The following CHD8 variants were observed in gnomAD, a reference collection of about 807,000 sequenced individuals.
CHD8 encodes ATP-dependent chromatin remodeler CHD8.
CHD8 carries 31 observed loss-of-function variants against 279.2 expected under a neutral mutation model. That is an observed-to-expected ratio of 0.11 (90% CI 0.08 to 0.15). The LOEUF is 0.15. Ranked by LOEUF, CHD8 falls within the 10% of genes least tolerant of loss-of-function variation. The pLI, the probability that CHD8 is intolerant of heterozygous loss-of-function variation, is 1.00. For synonymous variants in CHD8, 1,081 were observed against 1,139.6 expected, an observed-to-expected ratio of 0.95 and a Z score of 1.04; for missense variants, 2,146 against 3,230.5, an observed-to-expected ratio of 0.66 and a Z score of 8.14.
At chr14:21,421,730 C>A (rs1246740088) in intron 5 of CHD8, among the ~76,000 whole-genome samples, 1 of 152,268 alleles carries the variant, frequency 6.6e-6, no homozygotes, top group South Asian at 2.1e-4. Context: ...CATCCCCCCA[C>A]CAAATCCATA....
chr14:21,393,324 T>G lies in CHD8; in HGVS notation c.6320-70A>C. 7.0e-6 allele frequency: 11 copies of G among 1,582,614 alleles called. No homozygotes were observed. In the South Asian group the frequency reaches 1.3e-4, roughly 18 times the overall value. ...AATGTCATATGGTAATGGTATTATA[T>G]GGGCTTTGAATAAAGGCCCAAAGAA... On this transcript the variant is annotated intron_variant, in intron 32 of 37. Coordinates refer to ENST00000646647, the MANE Select transcript of CHD8 (RefSeq NM_001170629.2).
chr14:21,402,223 A>T lies in CHD8; in HGVS notation c.3883-87T>A. On this transcript the variant is annotated intron_variant, in intron 19 of 37. Transcript: ENST00000646647. This position sits in a 1 kb window ranked among gnomAD's most constrained non-coding sequence, Gnocchi z 4.5. ...ATATTTTAGCTATTATATTTTAAGA[A>T]ATAATAATTGAGAATCCAAACAAGG... The T allele has an allele frequency of 6.8e-7, 1 of 1,473,764 alleles. No homozygotes were observed. The highest frequency in any genetic ancestry group is 9.3e-7 in the Non-Finnish European group (1 of 1,076,488). The allele number at this position is 1,473,764 out of a possible 1,614,324, so 91.3% of individuals were successfully genotyped here.
In CHD8 at chr14:21,409,758, T is replaced by C. The variant is rs1221338397; in HGVS notation, c.2364+93A>G. On this transcript the variant is annotated intron_variant, in intron 11 of 37. Transcript: ENST00000646647. ...GATTTTTATATGTTTGAAATTTCCA[T>C]AATAAAAAGCTAAAACAACAAAAAA... 4 of 1,206,258 alleles carry C rather than the reference T, an allele frequency of 3.3e-6. No homozygotes were observed. In the African/African-American group the frequency reaches 6.1e-5, roughly 18 times the overall value. 74.7% of individuals were successfully genotyped at this position (1,206,258 alleles called of 1,614,324 possible).
At chr14:21,429,724 C>A (rs998070067) in intron 2 of CHD8, 1 of 331,658 alleles carries the variant, frequency 3.0e-6, no homozygotes, top group Non-Finnish European at 6.0e-6. Context: ...CACACCACAG[C>A]CCAGAACTCC....
At chr14:21,419,874 A>G (rs1888939857) in intron 5 of CHD8, 1 of 359,054 alleles carries the variant, frequency 2.8e-6, no homozygotes, top group Non-Finnish European at 5.7e-6. Context: ...TGAGCCCCCA[A>G]AAGAAGCCAG....
Position 21,405,793 on chromosome 14 carries a change from G to A in CHD8, c.2979C>T (p.Phe993=). 6.2e-7 allele frequency: 1 copy of A among 1,613,860 alleles called. No homozygotes were observed. The highest frequency in any genetic ancestry group is 8.5e-7 in the Non-Finnish European group (1 of 1,179,798). Residue 993 remains phenylalanine (F), a synonymous_variant, in exon 15 of 38, where the codon TTC becomes TTT. Transcript: ENST00000646647. This position sits in a 1 kb window ranked among gnomAD's most constrained non-coding sequence, Gnocchi z 4.2. ...TVEELFSLLH[F]LEPSQFPSES... ...CTGAGGGAAATTGTGACGGTTCCAA[G>A]AAATGAAGCAAGCTAAACAGTTCTT...
Position 21,405,371 on chromosome 14 carries a change from T to C in CHD8, c.3145A>G (p.Ile1049Val). The stretch of plus-strand genomic sequence containing the variant: ...TGGATATTAGTCAGCTCTACTTCAA[T>C]AATTGTTTCCTGTTTGGGTGCCAAG... ...KNLAPKQETI[I>V]EVELTNIQKK... The change falls in exon 16 of 38, where the codon ATT (isoleucine) becomes GTT (valine). Residue 1049 changes from isoleucine (I) to valine (V), a missense_variant. Coordinates refer to ENST00000646647, the MANE Select transcript of CHD8 (RefSeq NM_001170629.2). This position sits in a 1 kb window ranked among gnomAD's most constrained non-coding sequence, Gnocchi z 4.2. 6.2e-7 allele frequency: 1 copy of C among 1,602,010 alleles called. No homozygotes were observed. Among genetic ancestry groups the C allele is most frequent in the Non-Finnish European group, 8.5e-7 (1 of 1,173,340 alleles).
intron 1 of CHD8, chr14:21,437,068 T>TGGGGGGGGGGGGGGGGGGGG: frequency 6.9e-6 from 1 of 145,822 alleles, no homozygotes; most frequent in South Asian, 5.0e-5. Flanking sequence ...ATGCGGGGGG[T>TGGGGGGGGGGGGGGGGGGGG]GGGGGGTGTG....
chr14:21,424,662 G>A (rs1889224481), intron 5 of CHD8, among the ~76,000 whole-genome samples: 2 of 151,970 alleles, frequency 1.3e-5, no homozygotes, highest in African/African-American at 4.8e-5. Context: ...TGGTAGAGAC[G>A]GGGTTTCACC....
intron 37 of CHD8, among the ~76,000 whole-genome samples, chr14:21,389,108 T>C (rs1222911501): frequency 1.3e-5 from 2 of 151,978 alleles, no homozygotes; most frequent in African/African-American, 4.8e-5. Flanking sequence ...GAGACCAGCC[T>C]GACCAACATG....
At chr14:21,394,880 C>G (rs1887708840) in intron 30 of CHD8, 32 bp downstream of exon 30, 1 of 1,603,750 alleles carries the variant, frequency 6.2e-7, no homozygotes, top group Non-Finnish European at 8.5e-7. Context: ...ACTGAAAACA[C>G]AGATCAGCAC....
intron 1 of CHD8, among the ~76,000 whole-genome samples, chr14:21,450,488 C>T (rs1272268373): frequency 6.6e-6 from 1 of 152,010 alleles, no homozygotes. Context: ...AAACCTTAAA[C>T]ATTTTACAAC....
chr14:21,449,277 T>G (rs1890202861), intron 1 of CHD8, among the ~76,000 whole-genome samples: 1 of 152,336 alleles, frequency 6.6e-6, no homozygotes, highest in South Asian at 2.1e-4. Context: ...TTACCTAACC[T>G]CACAGTCTTT....
intron 37 of CHD8, among the ~76,000 whole-genome samples, chr14:21,389,645 T>C (rs1384254254): frequency 6.6e-6 from 1 of 152,024 alleles, no homozygotes; most frequent in African/African-American, 2.4e-5. Flanking sequence ...AATACAACTA[T>C]TGCAGAAAGT....
Position 21,429,192 on chromosome 14 carries a change from A to T in CHD8, c.987T>A (p.Asn329Lys). 8.1e-6 allele frequency: 13 copies of T among 1,613,996 alleles called. No homozygotes were observed. The highest frequency in any genetic ancestry group is 1.1e-5 in the Non-Finnish European group (13 of 1,179,888). Residue 329 changes from asparagine to lysine, a missense_variant, in exon 3 of 38, where the codon AAT (asparagine) becomes AAA (lysine). Physicochemically the swap from Asn to Lys is moderately conservative, Grantham distance 94. Transcript: ENST00000646647. ...NQLAALTQAK[N>K]AQGQPAKVVT... The stretch of plus-strand genomic sequence containing the variant: ...CTACCTTGGCAGGCTGCCCTTGGGC[A>T]TTCTTGGCTTGAGTCAGGGCTGCCA...
At chr14:21,439,576 G>A (rs757607850) in intron 1 of CHD8, among the ~76,000 whole-genome samples, 4 of 152,126 alleles carry the variant, frequency 2.6e-5, no homozygotes, top group Non-Finnish European at 5.9e-5. Flanking sequence ...TATTTCTGCT[G>A]CCATCTCCCT....
chr14:21,393,262 G>A lies in CHD8; in HGVS notation c.6320-8C>T. The stretch of plus-strand genomic sequence containing the variant: ...TTGAGCGGGACTGGTCAGCTGGTAA[G>A]AGAGCCCATAGAATGTGTGAGAAAA... On this transcript the variant is annotated splice_polypyrimidine_tract_variant and splice_region_variant and intron_variant, in intron 32 of 37. Transcript: ENST00000646647. The A allele has an allele frequency of 6.2e-7, 1 of 1,613,918 alleles. No homozygotes were observed. Among genetic ancestry groups the A allele is most frequent in the Non-Finnish European group, 8.5e-7 (1 of 1,179,848 alleles).
intron 27 of CHD8, chr14:21,397,258 T>C (rs752697420): frequency 2.0e-6 from 1 of 498,012 alleles, no homozygotes. Flanking sequence ...CATGATGGAA[T>C]GGGGAGGTAT....
At chr14:21,443,306 G>T (rs1042490698) in intron 1 of CHD8, among the ~76,000 whole-genome samples, 10 of 151,930 alleles carry the variant, frequency 6.6e-5, no homozygotes, top group Non-Finnish European at 1.3e-4. Context: ...CAGGAGAATG[G>T]CGTGAACCCG....
Sources: gnomAD v4.1 joint callset for allele counts (sites outside exome capture counted in the v4.1 genomes callset) on GRCh38, gnomAD v4.1.1 for gene constraint, Gnocchi (gnomAD v3.1) non-coding constraint, MANE v1.5 for transcripts, NCBI Gene and HGNC (gene_info 2026-07-23, HGNC 2026-07-21) for gene names.